Variants in PDZD8 observed in about 807,000 individuals in gnomAD.
PDZD8 encodes the protein PDZ domain-containing protein 8.
A neutral mutation model predicts 85.8 loss-of-function variants in PDZD8; 14 were observed. That is an observed-to-expected ratio of 0.16 (90% CI 0.11 to 0.26). The LOEUF (loss-of-function observed/expected upper bound fraction) is 0.26, where lower values mean the gene tolerates loss of function less well. Ranked by LOEUF, PDZD8 falls within the 10% of genes least tolerant of loss-of-function variation. The probability of loss-of-function intolerance (pLI) is 1.00; values close to 1 mark genes in which losing one functional copy is unlikely to be tolerated. For synonymous variants in PDZD8, 592 were observed against 568.6 expected (o/e 1.04, Z -0.59); for missense variants, 1,197 against 1,424.3 (o/e 0.84, Z 2.57).
chr10:117,374,517 G>A lies in PDZD8; in HGVS notation c.711C>T (p.Pro237=), dbSNP rs758520893. 1.2e-6 allele frequency: 2 copies of A among 1,612,066 alleles called. No homozygotes were observed. Among genetic ancestry groups the A allele is most frequent in the South Asian group, 2.2e-5 (2 of 90,698 alleles). Residue 237 remains proline, a synonymous_variant, in exon 1 of 5, where the codon CCC becomes CCT. Coordinates refer to ENST00000334464, the MANE Select transcript of PDZD8 (RefSeq NM_173791.5). The surrounding 1 kb of genome is among the most constrained non-coding windows in gnomAD (Gnocchi z 7.8). ...GRLRLVFTRV[P]FTHWFFSFVE... Reference sequence around the variant, plus strand: ...CGAAGGAGAAGAACCAGTGGGTGAAGGGCACGCGCGTAAAGACCAAGCGCA... The same window carrying A: ...CGAAGGAGAAGAACCAGTGGGTGAAAGGCACGCGCGTAAAGACCAAGCGCA...
rs753371960 is a variant in PDZD8, at chr10:117,290,330, T to C, written c.1117A>G (p.Asn373Asp). 1.9e-6 allele frequency: 3 copies of C among 1,600,834 alleles called. No homozygotes were observed. The highest frequency in any genetic ancestry group is 2.3e-5 in the South Asian group (2 of 88,664). ...SIKTVELIKG[N>D]LQSVGLTLRL... ...AGTGTAAGTCCAACACTTTGTAAAT[T>C]TCCTTTTATTAATTCAACCTTTGAT... Residue 373 changes from asparagine to aspartate, a missense_variant, in exon 4 of 5, where the codon AAT becomes GAT. By Grantham distance (23) the Asn-to-Asp change is conservative. Transcript: ENST00000334464.
Position 117,277,343 on chromosome 10 carries a change from G to A in PDZD8, c.*5925C>T. ...CCAGTGACACAACTCATCCAGAACT[G>A]TCTTAGTCATACCATCCATCCCTGG... On this transcript the variant is annotated 3_prime_UTR_variant, in exon 5 of 5. Transcript: ENST00000334464. The A allele has an allele frequency of 1.2e-6, 1 of 842,812 alleles. No individual in the cohort carries two copies. The allele number at this position is 842,812 out of a possible 1,614,324, so 52.2% of individuals were successfully genotyped here. A position where few individuals can be genotyped will look rare whatever the true frequency, so the allele number is the denominator to read the frequency against.
At chr10:117,306,201 T>A (rs1843940764) in intron 3 of PDZD8, among the ~76,000 whole-genome samples, 2 of 152,128 alleles carry the variant, frequency 1.3e-5, no homozygotes, top group Admixed American at 1.3e-4. Context: ...GGTCACCTCA[T>A]CTAAGAGACA....
At chr10:117,346,811 G>A (rs1844716979) in intron 1 of PDZD8, among the ~76,000 whole-genome samples, 1 of 151,872 alleles carries the variant, frequency 6.6e-6, no homozygotes, top group African/African-American at 2.4e-5. Flanking sequence ...CCGCCGCCAG[G>A]TGGAGGCCTC....
chr10:117,315,415 T>G (rs894906619), intron 3 of PDZD8, among the ~76,000 whole-genome samples: 1 of 151,412 alleles, frequency 6.6e-6, no homozygotes, highest in Non-Finnish European at 1.5e-5. Flanking sequence ...GCCAACATGG[T>G]GAAACCCTGT....
At position 117,284,237 on chromosome 10, in the gene PDZD8, T is replaced by C. The variant is rs1223752752; in HGVS notation, c.2496A>G (p.Gly832=). ...GTTTGTTTTCTGTTAAACCCATCTG[T>C]CCAACAAATTGCTCCTCTTTAGGGA... ...SVLPKEEQFV[G]QMGLTENKHS... Residue 832 remains glycine, a synonymous_variant, in exon 5 of 5, where the codon GGA becomes GGG. Coordinates refer to ENST00000334464, the MANE Select transcript of PDZD8 (RefSeq NM_173791.5). 5.6e-6 allele frequency: 9 copies of C among 1,614,184 alleles called. No individual in the cohort carries two copies. The highest frequency in any genetic ancestry group is 3.3e-5 in the Admixed American group (2 of 60,024).
chr10:117,318,278 C>T (rs1844164988), intron 3 of PDZD8, among the ~76,000 whole-genome samples: 1 of 152,112 alleles, frequency 6.6e-6, no homozygotes, highest in Admixed American at 6.6e-5. Context: ...CTTATAATTC[C>T]TCTGTCATAT....
At chr10:117,321,815 T>C (rs189528335) in intron 2 of PDZD8, among the ~76,000 whole-genome samples, 66 of 152,272 alleles carry the variant, frequency 4.3e-4, no homozygotes, top group Admixed American at 3.9e-3. Flanking sequence ...GACAAGATTA[T>C]AAACCAATAA....
chr10:117,373,640 C>T (rs114926076), intron 1 of PDZD8, among the ~76,000 whole-genome samples: 1,915 of 145,802 alleles, frequency 0.013, 41 homozygotes, highest in African/African-American at 0.045. Context: ...ATCAGCAAGG[C>T]GTGGTGCCAT....
chr10:117,284,003 C>G lies in PDZD8; in HGVS notation c.2730G>C (p.Gln910His). The change falls in exon 5 of 5, where the codon CAG becomes CAC. Residue 910 changes from glutamine to histidine, a missense_variant. This residue lies in a region of PDZD8 where 418 missense variants were observed against 571.1 expected (regional missense o/e 0.73). Transcript: ENST00000334464. ...RTLKNLRLEG[Q>H]ETLLGLPPRV... ...GAGGAGGCAGGCCTAAGAGGGTTTC[C>G]TGTCCTTCCAGCCTAAGGTTTTTCA... The G allele has an allele frequency of 6.2e-7, 1 of 1,614,214 alleles. No homozygotes were observed. The highest frequency in any genetic ancestry group is 8.5e-7 in the Non-Finnish European group (1 of 1,180,028).
At chr10:117,343,527 TGTTA>T (rs1844652977) in intron 1 of PDZD8, among the ~76,000 whole-genome samples, 1 of 149,986 alleles carries the variant, frequency 6.7e-6, no homozygotes, top group African/African-American at 2.4e-5. Context: ...AACATATAAC[TGTTA>T]GTTTGTAAAA....
intron 2 of PDZD8, among the ~76,000 whole-genome samples, chr10:117,320,213 A>G (rs1844206133): frequency 6.6e-6 from 1 of 152,120 alleles, no homozygotes; most frequent in South Asian, 2.1e-4. Context: ...ATAAAACACT[A>G]AGTTTAGGGA....
rs1192910349 is a variant in PDZD8 at position 117,368,408 on chromosome 10, T to C, written c.872+5948A>G. The stretch of plus-strand genomic sequence containing the variant: ...CCCAAATATTAAAGGTTAGATTTCC[T>C]ATCAACATTAGTAAGTAAAACTGTC... On this transcript the variant is annotated intron_variant, in intron 1 of 4. Coordinates refer to ENST00000334464, the MANE Select transcript of PDZD8 (RefSeq NM_173791.5). Among the ~76,000 whole-genome samples, 3 of 152,236 alleles carry C rather than the reference T, an allele frequency of 2.0e-5. No individual in the cohort carries two copies. The East Asian group carries it at 5.8e-4, about 29-fold the overall frequency.
At chr10:117,338,691 T>C (rs779536507) in intron 2 of PDZD8, among the ~76,000 whole-genome samples, 2 of 152,194 alleles carry the variant, frequency 1.3e-5, no homozygotes, top group Non-Finnish European at 1.5e-5. Context: ...TAAAATAAAG[T>C]TGGTTACAGG....
intron 4 of PDZD8, among the ~76,000 whole-genome samples, chr10:117,287,718 C>A (rs575108573): frequency 1.3e-5 from 2 of 152,190 alleles, no homozygotes; most frequent in Non-Finnish European, 2.9e-5. Flanking sequence ...CTTTTAACTG[C>A]AATCTCTCAC....
chr10:117,314,607 T>C (rs1317242513), intron 3 of PDZD8, among the ~76,000 whole-genome samples: 1 of 152,202 alleles, frequency 6.6e-6, no homozygotes, highest in African/African-American at 2.4e-5. Context: ...CCTAATGCCT[T>C]TAACCACAGT....
chr10:117,374,851 T>TCCA lies in PDZD8; in HGVS notation c.374_376dup (p.Val125dup). On this transcript the variant is annotated inframe_insertion, in exon 1 of 5. Coordinates refer to ENST00000334464, the MANE Select transcript of PDZD8 (RefSeq NM_173791.5). The surrounding 1 kb of genome is among the most constrained non-coding windows in gnomAD (Gnocchi z 7.8). ...CTTGGTCTGCAGCAGCTCCTCGAAC[T>TCCA]CCACCTTGATCTTCTTGGTGACCCA... 1.2e-6 allele frequency: 2 copies of TCCA among 1,613,572 alleles called. No individual in the cohort carries two copies. Among genetic ancestry groups the TCCA allele is most frequent in the Non-Finnish European group, 1.7e-6 (2 of 1,179,900 alleles).
In PDZD8 at chr10:117,284,847, T is replaced by C. The variant is rs746243970; in HGVS notation, c.1886A>G (p.Asp629Gly). ...PEKVVPPPLV[D>G]KSAEKQAKNV... ...TTTTGCTTGCTTTTCAGCAGATTTA[T>C]CTACAAGAGGAGGTGGCACCACCTT... Residue 629 changes from aspartate to glycine, a missense_variant, in exon 5 of 5, where the codon GAT (aspartate) becomes GGT (glycine). By Grantham distance (94) the Asp-to-Gly change is moderately conservative. Transcript: ENST00000334464. 1.6e-5 allele frequency: 26 copies of C among 1,614,070 alleles called. No homozygotes were observed. In the South Asian group the frequency reaches 2.7e-4, roughly 17 times the overall value.
rs1409283731 is a variant in PDZD8 at position 117,278,218 on chromosome 10, A to G, written c.*5050T>C. 11 of 152,214 alleles carry G rather than the reference A, an allele frequency of 7.2e-5. No individual in the cohort carries two copies. The highest frequency in any genetic ancestry group is 1.6e-4 in the Non-Finnish European group (11 of 68,024). 9.4% of individuals were successfully genotyped at this position (152,214 alleles called of 1,614,324 possible). A position where few individuals can be genotyped will look rare whatever the true frequency, so the allele number is the denominator to read the frequency against. On this transcript the variant is annotated 3_prime_UTR_variant, in exon 5 of 5. Transcript: ENST00000334464. ...CTTTGATCTGTTTGCAGGTCATCCA[A>G]GTGTTTTCTAGGAATATATTTATTT...
Sources: gnomAD v4.1 joint callset for allele counts (sites outside exome capture counted in the v4.1 genomes callset) on GRCh38, gnomAD v4.1.1 for gene constraint, gnomAD v4.1.1 regional missense constraint, Gnocchi (gnomAD v3.1) non-coding constraint, MANE v1.5 for transcripts, NCBI Gene and HGNC (gene_info 2026-07-23, HGNC 2026-07-21) for gene names.